The following TENM2 variants were observed in gnomAD, a reference collection of about 807,000 sequenced individuals.
TENM2 encodes the protein teneurin-2.
Under a neutral mutation model 245.2 loss-of-function variants are expected in TENM2, and 52 were observed. The observed-to-expected ratio is 0.21, with a 90% CI of 0.17 to 0.27. The LOEUF is 0.27. Among genes scored for constraint, TENM2 ranks in the 10% least tolerant of loss-of-function variants. The probability of loss-of-function intolerance (pLI) is 1.00; values close to 1 mark genes in which losing one functional copy is unlikely to be tolerated. For missense variants in TENM2, 3,046 were observed against 3,666.8 expected (o/e 0.83, Z 4.37); for synonymous variants, 1,363 against 1,438.9 (o/e 0.95, Z 1.19).
chr5:167,808,130 T>C (rs898410129), intron 2 of TENM2, among the ~76,000 whole-genome samples: 8 of 152,202 alleles, frequency 5.3e-5, no homozygotes, highest in African/African-American at 1.2e-4. Context: ...CCACGGCTTT[T>C]ACCATTTACT....
chr5:167,919,066 C>G (rs994475965), intron 3 of TENM2, among the ~76,000 whole-genome samples: 4 of 152,170 alleles, frequency 2.6e-5, no homozygotes, highest in Admixed American at 6.5e-5. Context: ...TGTGCAATCT[C>G]TATTTCTTGC....
rs1759550066 is a variant in TENM2 at position 167,359,285 on chromosome 5, T to C, written c.227-15913T>C. ...ATGTCTTCTCTTAAGGTTGTAACTT[T>C]GCTGCCTTCATTCCAGCCACAAAGT... On this transcript the variant is annotated intron_variant, in intron 1 of 28. Coordinates refer to ENST00000518659, the Ensembl canonical transcript of TENM2. 2.0e-5 allele frequency among the ~76,000 whole-genome samples: 3 copies of C among 152,206 alleles called. No individual in the cohort carries two copies. In the South Asian group the frequency reaches 6.2e-4, roughly 32 times the overall value.
intron 15 of TENM2, among the ~76,000 whole-genome samples, chr5:168,195,790 G>A (rs542602875): frequency 5.9e-5 from 9 of 151,956 alleles, no homozygotes; most frequent in Non-Finnish European, 1.3e-4. Flanking sequence ...CTGTTTGGAG[G>A]GGGTGGCGTG....
At chr5:168,094,890 C>A (rs948371013) in intron 8 of TENM2, among the ~76,000 whole-genome samples, 12 of 152,028 alleles carry the variant, frequency 7.9e-5, no homozygotes, top group African/African-American at 2.9e-4. Context: ...CCTGTCAGAT[C>A]AGCAGCAGCA....
chr5:167,403,906 T>G (rs914542046), intron 2 of TENM2, among the ~76,000 whole-genome samples: 2 of 151,916 alleles, frequency 1.3e-5, no homozygotes, highest in Non-Finnish European at 1.5e-5. Flanking sequence ...ACAACTGTTT[T>G]TTTTTTTTTT....
At chr5:167,727,410 C>T (rs1760101912) in intron 2 of TENM2, among the ~76,000 whole-genome samples, 1 of 152,210 alleles carries the variant, frequency 6.6e-6, no homozygotes, top group South Asian at 2.1e-4. Flanking sequence ...CCGTGCCCGG[C>T]CATCCGTTAA....
At chr5:167,101,214 T>C in the TENM2 span, among the ~76,000 whole-genome samples, 4 of 152,248 alleles carry the variant, frequency 2.6e-5, no homozygotes, top group African/African-American at 9.6e-5. Flanking sequence ...AACGTTTTTA[T>C]GACTTTGTTT....
intron 9 of TENM2, among the ~76,000 whole-genome samples, chr5:168,113,732 G>C (rs1046982836): frequency 6.6e-6 from 1 of 152,192 alleles, no homozygotes; most frequent in Non-Finnish European, 1.5e-5. Flanking sequence ...TCAGTTATTA[G>C]TGGTTGTGGT....
At chr5:167,978,275 C>T (rs937318459) in intron 4 of TENM2, among the ~76,000 whole-genome samples, 3 of 152,162 alleles carry the variant, frequency 2.0e-5, no homozygotes, top group Non-Finnish European at 4.4e-5. Context: ...AGGGAGATCC[C>T]CCAAAGCTTT....
chr5:167,698,679 GTTTTTT>G lies in TENM2; in HGVS notation c.503-177290_503-177285del, dbSNP rs1225922111. On this transcript the variant is annotated intron_variant, in intron 2 of 28. Coordinates refer to ENST00000518659, the Ensembl canonical transcript of TENM2. The stretch of plus-strand genomic sequence containing the variant: ...GTGTGTGTGTTTTGTTTTGTTTTTT[GTTTTTT>G]TTTTTTTTTTTTTTTTGAGACATAA... Among the ~76,000 whole-genome samples, 110 of 97,736 alleles carry G rather than the reference GTTTTTT, an allele frequency of 1.1e-3. No individual in the cohort carries two copies. In the East Asian group the frequency reaches 0.022, roughly 20 times the overall value. 64.1% of individuals were successfully genotyped at this position (97,736 alleles called of 152,430 possible). A position where few individuals can be genotyped will look rare whatever the true frequency, so the allele number is the denominator to read the frequency against.
Position 168,190,375 on chromosome 5 carries a change from C to T in TENM2, c.2608C>T (p.Gln870Ter). Residue 870 changes from glutamine (Q) to a stop codon, truncating the protein, a stop_gained, in exon 14 of 29, where the codon CAG becomes TAG. Transcript: ENST00000518659. LOFTEE classifies it high-confidence loss of function. ...TTGTTTGGACCCTGACTGCTGCCTG[C>T]AGTCAGCCTGTCAGAACAGCCTGCT... The T allele has an allele frequency of 6.2e-7, 1 of 1,613,914 alleles. No homozygotes were observed.
chr5:168,258,068 T>C (rs1035287452), intron 27 of TENM2, among the ~76,000 whole-genome samples: 1 of 152,024 alleles, frequency 6.6e-6, no homozygotes, highest in African/African-American at 2.4e-5. Flanking sequence ...TCAGGACCTA[T>C]TGTGAAAGTA....
the TENM2 span, among the ~76,000 whole-genome samples, chr5:167,078,484 A>AAAC: frequency 0.26 from 14,220 of 54,608 alleles, 771 homozygotes; most frequent in Admixed American, 0.28. Flanking sequence ...ACTCTGTCTC[A>AAAC]AACAACAACA....
intron 1 of TENM2, among the ~76,000 whole-genome samples, chr5:167,313,796 T>A: frequency 6.6e-6 from 1 of 152,192 alleles, no homozygotes; most frequent in East Asian, 1.9e-4. Flanking sequence ...ATATATGTAG[T>A]CATTTTAATT....
chr5:167,907,249 A>AAATAAAT (rs1412736534), intron 3 of TENM2, among the ~76,000 whole-genome samples: 1 of 151,492 alleles, frequency 6.6e-6, no homozygotes, highest in African/African-American at 2.4e-5. Context: ...ATAAATAAAT[A>AAATAAAT]AATAAATAAA....
chr5:167,861,027 A>G (rs999498166), intron 2 of TENM2, among the ~76,000 whole-genome samples: 2 of 84,364 alleles, frequency 2.4e-5, no homozygotes, highest in Middle Eastern at 5.2e-3. Flanking sequence ...AGAAACACCC[A>G]AGAATTATCA....
chr5:168,087,267 A>C (rs982997085), intron 7 of TENM2: 1 of 152,258 alleles, frequency 6.6e-6, no homozygotes, highest in Non-Finnish European at 1.5e-5. Context: ...TTTGACCAAC[A>C]GAAGATGCTA....
At chr5:167,741,050 A>G (rs1002485757) in intron 2 of TENM2, among the ~76,000 whole-genome samples, 1 of 152,150 alleles carries the variant, frequency 6.6e-6, no homozygotes, top group Non-Finnish European at 1.5e-5. Flanking sequence ...CTCTTTCCCT[A>G]TAGCTGCGTC....
At chr5:167,750,424 G>T (rs1761884098) in intron 2 of TENM2, among the ~76,000 whole-genome samples, 2 of 152,120 alleles carry the variant, frequency 1.3e-5, no homozygotes, top group Non-Finnish European at 2.9e-5. Flanking sequence ...TCGTCATCCT[G>T]TAGTGGTCCT....
Sources: gnomAD v4.1 joint callset for allele counts (sites outside exome capture counted in the v4.1 genomes callset) on GRCh38, gnomAD v4.1.1 for gene constraint, MANE v1.5 for transcripts, NCBI Gene and HGNC (gene_info 2026-07-23, HGNC 2026-07-21) for gene names.